Variants in KIAA1549 observed in about 807,000 individuals in gnomAD.
The protein encoded by KIAA1549 is UPF0606 protein KIAA1549.
In KIAA1549, 70 loss-of-function variants were observed where a neutral mutation model predicts 156.4. The observed-to-expected ratio is 0.45, with a 90% CI of 0.37 to 0.55. KIAA1549 has a LOEUF of 0.55. Among genes scored for constraint, KIAA1549 ranks in the 20% least tolerant of loss-of-function variants. The pLI, the probability that KIAA1549 is intolerant of heterozygous loss-of-function variation, is 0.00. For synonymous variants in KIAA1549, 1,103 were observed against 1,066.4 expected (o/e 1.03, Z -0.67); for missense variants, 2,428 against 2,540.9 (o/e 0.96, Z 0.96).
chr7:138,906,867 C>T (rs1057268649), intron 6 of KIAA1549, 52 bp downstream of exon 6: 5 of 1,322,702 alleles, frequency 3.8e-6, no homozygotes, highest in Non-Finnish European at 4.0e-6. Context: ...AGGTCTTCCA[C>T]CAAAAATGCC....
chr7:138,934,608 G>T (rs1379714572), intron 1 of KIAA1549, among the ~76,000 whole-genome samples: 2 of 152,106 alleles, frequency 1.3e-5, no homozygotes, highest in African/African-American at 2.4e-5. Context: ...GCCTCGGGCC[G>T]CATCCCCGCC....
At chr7:138,867,710 T>A (rs925619009) in intron 15 of KIAA1549, among the ~76,000 whole-genome samples, 1 of 152,096 alleles carries the variant, frequency 6.6e-6, no homozygotes, top group African/African-American at 2.4e-5. Context: ...GGCTTACGTA[T>A]AGAGAGGAAA....
chr7:138,858,346 T>G (rs1018425620), intron 16 of KIAA1549, among the ~76,000 whole-genome samples: 1 of 152,192 alleles, frequency 6.6e-6, no homozygotes, highest in African/African-American at 2.4e-5. Flanking sequence ...TCCTCCTGCC[T>G]CAGCCTCCCA....
intron 14 of KIAA1549, 87 bp downstream of exon 14, chr7:138,869,451 T>C: frequency 9.7e-7 from 1 of 1,032,250 alleles, no homozygotes. Context: ...GGCCCTGCAG[T>C]AGCAGAGGGG....
chr7:138,843,245 C>G (rs553780258), intron 18 of KIAA1549, among the ~76,000 whole-genome samples: 2 of 152,158 alleles, frequency 1.3e-5, no homozygotes, highest in Non-Finnish European at 2.9e-5. Context: ...TTTACCATGC[C>G]ACATTATTAT....
rs373323741 is a variant in KIAA1549 at position 138,916,893 on chromosome 7, C to T, written c.2733G>A (p.Glu911=). The stretch of plus-strand genomic sequence containing the variant: ...ATGGCAGGGGAGGAGCAGCACTACT[C>T]TCTGGGGGGCTCTGACTTGCGGCGT... ...MGDAASQSPP[E]SSAAPPLPSL... is the part of the protein sequence containing the mutation. The change falls in exon 2 of 20, where the codon GAG becomes GAA. Residue 911 remains glutamate, a synonymous_variant. Transcript: ENST00000422774. The T allele has an allele frequency of 7.4e-6, 12 of 1,613,526 alleles. No individual in the cohort carries two copies. In the East Asian group the frequency reaches 8.9e-5, roughly 12 times the overall value.
Position 138,861,146 on chromosome 7 carries a change from G to C in KIAA1549, c.5240C>G (p.Pro1747Arg). 1.2e-6 allele frequency: 2 copies of C among 1,613,790 alleles called. No individual in the cohort carries two copies. Among genetic ancestry groups the C allele is most frequent in the African/African-American group, 2.7e-5 (2 of 75,066 alleles). ...TAGAAGGCCAGTACTTACACTGCAGGGATTGTTGGCCGTCTGGGCTGGGCT... is the reference window on the plus strand; with the variant it reads ...TAGAAGGCCAGTACTTACACTGCAGCGATTGTTGGCCGTCTGGGCTGGGCT... Reference protein sequence around the residue: ...FYSPAQTANNPCSRYEDYGMT... With the variant: ...FYSPAQTANNRCSRYEDYGMT... The change falls in exon 16 of 20, where the codon CCC becomes CGC. Residue 1747 changes from proline to arginine, a missense_variant. Pro to Arg is a moderately radical substitution (Grantham distance 103). Transcript: ENST00000422774.
intron 14 of KIAA1549, among the ~76,000 whole-genome samples, chr7:138,868,683 T>G (rs1266597912): frequency 6.6e-6 from 1 of 152,230 alleles, no homozygotes; most frequent in Non-Finnish European, 1.5e-5. Context: ...TCCGCCTGCC[T>G]TGGCCTCCCA....
chr7:138,882,168 C>T (rs1811263658), intron 10 of KIAA1549, among the ~76,000 whole-genome samples: 1 of 152,196 alleles, frequency 6.6e-6, no homozygotes, highest in South Asian at 2.1e-4. Context: ...AATACAAGCA[C>T]ACAGGACACC....
At chr7:138,903,176 T>A (rs1198577737) in intron 8 of KIAA1549, among the ~76,000 whole-genome samples, 2 of 152,208 alleles carry the variant, frequency 1.3e-5, no homozygotes. Context: ...TCTCCCTCTA[T>A]CTGCTCTCCT....
intron 19 of KIAA1549, 151 bp downstream of exon 19, chr7:138,839,982 G>A (rs1809860986): frequency 5.1e-6 from 3 of 587,344 alleles, no homozygotes; most frequent in Non-Finnish European, 8.3e-6. Context: ...AGTAGAGACG[G>A]GATTTCACTA....
intron 1 of KIAA1549, among the ~76,000 whole-genome samples, chr7:138,936,141 C>T (rs1239857901): frequency 6.6e-6 from 1 of 152,068 alleles, no homozygotes; most frequent in Non-Finnish European, 1.5e-5. Flanking sequence ...GTGAAGGGAA[C>T]AGAAAAGAAG....
Position 138,903,739 on chromosome 7 carries a change from A to G in KIAA1549, c.3521-3T>C. On this transcript the variant is annotated splice_region_variant and splice_polypyrimidine_tract_variant and intron_variant, in intron 7 of 19. Coordinates refer to ENST00000422774, the MANE Select transcript of KIAA1549 (RefSeq NM_001164665.2). Reference sequence around the variant, plus strand: ...CTTCTCCATGACGCCCAGGAGAACTACATTTAAATGAAAACATACGTGGCA... The same window carrying G: ...CTTCTCCATGACGCCCAGGAGAACTGCATTTAAATGAAAACATACGTGGCA... The G allele has an allele frequency of 6.3e-7, 1 of 1,584,802 alleles. No individual in the cohort carries two copies. The highest frequency in any genetic ancestry group is 8.6e-7 in the Non-Finnish European group (1 of 1,165,170).
intron 1 of KIAA1549, among the ~76,000 whole-genome samples, chr7:138,938,228 A>C (rs1813075842): frequency 1.3e-5 from 2 of 152,162 alleles, no homozygotes; most frequent in Non-Finnish European, 2.9e-5. Context: ...TCCATCTTGG[A>C]CTTCTCACTC....
intron 1 of KIAA1549, among the ~76,000 whole-genome samples, chr7:138,940,025 T>A (rs1813131217): frequency 1.3e-5 from 2 of 152,138 alleles, no homozygotes; most frequent in African/African-American, 2.4e-5. Flanking sequence ...AAATAATTTT[T>A]TTATTATACT....
At chr7:138,873,821 G>A (rs565875263) in intron 12 of KIAA1549, among the ~76,000 whole-genome samples, 217 of 151,720 alleles carry the variant, frequency 1.4e-3, no homozygotes, top group Middle Eastern at 6.8e-3. Flanking sequence ...GGGACCAAGC[G>A]GAGGAGAGGA....
In KIAA1549 at chr7:138,931,616, G is replaced by C. The variant is rs535120083; in HGVS notation, c.188-12178C>G. Among the ~76,000 whole-genome samples, 518 of 152,160 alleles carry C rather than the reference G, an allele frequency of 3.4e-3. 3 individuals are homozygous for C. Among genetic ancestry groups the C allele is most frequent in the African/African-American group, 0.012 (485 of 41,504 alleles). On this transcript the variant is annotated intron_variant, in intron 1 of 19. Transcript: ENST00000422774. Reference sequence around the variant, plus strand: ...AAAATACAAAAACTAGCCAGGCGTGGTGGCAGGTGCCTGTAATCCCATCTA... The same window carrying C: ...AAAATACAAAAACTAGCCAGGCGTGCTGGCAGGTGCCTGTAATCCCATCTA...
At chr7:138,903,761 G>C (rs1811909765) in intron 7 of KIAA1549, 25 bp from the exon 8 acceptor site, 10 of 1,549,262 alleles carry the variant, frequency 6.5e-6, no homozygotes, top group Non-Finnish European at 8.7e-6. Flanking sequence ...AAACATACGT[G>C]GCACCCAAAA....
intron 10 of KIAA1549, among the ~76,000 whole-genome samples, chr7:138,883,081 A>T (rs1419349419): frequency 1.8e-5 from 2 of 108,790 alleles, no homozygotes; most frequent in African/African-American, 7.8e-5. Context: ...GTGAAACCCC[A>T]TCTCCCCTAA....
Sources: gnomAD v4.1 joint callset for allele counts (sites outside exome capture counted in the v4.1 genomes callset) on GRCh38, gnomAD v4.1.1 for gene constraint, MANE v1.5 for transcripts, NCBI Gene and HGNC (gene_info 2026-07-23, HGNC 2026-07-21) for gene names.